Variants in CTNND1 observed in about 807,000 individuals in gnomAD.
The protein encoded by CTNND1 is catenin delta 1, also known as catenin delta-1.
A neutral mutation model predicts 112.1 loss-of-function variants in CTNND1; 16 were observed. The observed-to-expected ratio is 0.14, with a 90% CI of 0.10 to 0.22. The LOEUF (loss-of-function observed/expected upper bound fraction) is 0.22. Among genes scored for constraint, CTNND1 ranks in the 10% least tolerant of loss-of-function variants. The probability of loss-of-function intolerance (pLI) is 1.00; values close to 1 mark genes in which losing one functional copy is unlikely to be tolerated. For missense variants in CTNND1, 1,008 were observed against 1,257.0 expected, an observed-to-expected ratio of 0.80 and a Z score of 3.00; for synonymous variants, 420 against 446.5, an observed-to-expected ratio of 0.94 and a Z score of 0.75.
At chr11:57,780,071 T>TTTTTTTTTTG (rs58673483) in intron 1 of CTNND1, among the ~76,000 whole-genome samples, 1 of 129,196 alleles carries the variant, frequency 7.7e-6, no homozygotes, top group Non-Finnish European at 1.6e-5. Context: ...TTTTTTTTTT[T>TTTTTTTTTTG]GAGACAGGGT....
intron 1 of CTNND1, among the ~76,000 whole-genome samples, chr11:57,785,619 G>C (rs1193360283): frequency 6.6e-6 from 1 of 151,844 alleles, no homozygotes; most frequent in Middle Eastern, 3.2e-3. Flanking sequence ...GCATGATCTC[G>C]GCTCACTGCA....
chr11:57,795,842 G>C, intron 5 of CTNND1, 113 bp downstream of exon 5: 1 of 1,133,376 alleles, frequency 8.8e-7, no homozygotes, highest in Non-Finnish European at 1.2e-6. Context: ...TTATTGATCT[G>C]ATTGCATGAA....
At chr11:57,777,012 T>C (rs17455626) in intron 1 of CTNND1, among the ~76,000 whole-genome samples, 51,245 of 152,056 alleles carry the variant, frequency 0.34, 9,523 homozygotes, top group Middle Eastern at 0.43. Flanking sequence ...TGGTCTGGGC[T>C]ATGCATAAGG....
chr11:57,796,406 A>G, intron 5 of CTNND1, 51 bp from the exon 6 acceptor site: 1 of 1,475,254 alleles, frequency 6.8e-7, no homozygotes, highest in Non-Finnish European at 9.1e-7. Context: ...AAAAGAATTT[A>G]ATTGCTCACT....
intron 6 of CTNND1, among the ~76,000 whole-genome samples, chr11:57,797,842 C>CAAAAAA (rs771815069): frequency 1.2e-4 from 8 of 68,908 alleles, no homozygotes; most frequent in Admixed American, 1.9e-4. Flanking sequence ...AACTCCACCT[C>CAAAAAA]AAAAAAAAAA....
chr11:57,781,830 T>A (rs914784615), intron 1 of CTNND1, among the ~76,000 whole-genome samples: 4 of 152,186 alleles, frequency 2.6e-5, no homozygotes, highest in Non-Finnish European at 4.4e-5. Flanking sequence ...GCAGGTTTTT[T>A]TCTTTCTGTA....
At chr11:57,798,344 CAAAA>C (rs71061542) in intron 6 of CTNND1, among the ~76,000 whole-genome samples, 4 of 105,752 alleles carry the variant, frequency 3.8e-5, no homozygotes, top group Admixed American at 9.8e-5. Flanking sequence ...GAGACTGTCT[CAAAA>C]AAAAAAAAAA....
intron 8 of CTNND1, chr11:57,804,057 C>A (rs935855917): frequency 3.2e-6 from 1 of 315,074 alleles, no homozygotes; most frequent in African/African-American, 2.2e-5. Flanking sequence ...TGTTCATCTA[C>A]TTTGGTAAGC....
chr11:57,813,550 T>G (rs1480256237), intron 17 of CTNND1, among the ~76,000 whole-genome samples: 1 of 152,174 alleles, frequency 6.6e-6, no homozygotes, highest in African/African-American at 2.4e-5. Flanking sequence ...CTAAACAGAA[T>G]ATGAAGTGAT....
intron 8 of CTNND1, 73 bp from the exon 9 acceptor site, chr11:57,804,590 T>A (rs1160701568): frequency 1.9e-6 from 2 of 1,077,658 alleles, no homozygotes; most frequent in Non-Finnish European, 2.8e-6. Flanking sequence ...TCAGGAATCT[T>A]GTAGGTGTTG....
chr11:57,816,123 CG>C, intron 20 of CTNND1, 122 bp downstream of exon 20: 2 of 1,135,622 alleles, frequency 1.8e-6, no homozygotes, highest in Non-Finnish European at 2.6e-6. Flanking sequence ...ACATGGGGCT[CG>C]AGGGGTTCTG....
At chr11:57,810,248 CT>C (rs748446411) in intron 16 of CTNND1, 25 bp downstream of exon 16, 5 of 1,529,576 alleles carry the variant, frequency 3.3e-6, no homozygotes, top group Non-Finnish European at 4.4e-6. Flanking sequence ...GAGACCAAGA[CT>C]TTTACTTTTT....
intron 7 of CTNND1, among the ~76,000 whole-genome samples, chr11:57,803,291 TG>T (rs1221241183): frequency 7.2e-5 from 11 of 152,290 alleles, no homozygotes; most frequent in African/African-American, 2.4e-4. Context: ...GTATTTTTAG[TG>T]TTAGCCAGGA....
chr11:57,806,138 C>T, intron 10 of CTNND1, 103 bp downstream of exon 10: 1 of 1,406,638 alleles, frequency 7.1e-7, no homozygotes, highest in Non-Finnish European at 9.5e-7. Context: ...TGGGAGTCTG[C>T]CTGGTTATGG....
At position 57,806,031 on chromosome 11, in the gene CTNND1, C is replaced by T; in HGVS notation, c.1872C>T (p.Gly624=). Residue 624 remains glycine (G), a synonymous_variant, in exon 10 of 21, where the codon GGC becomes GGT. Transcript: ENST00000399050. ...CCAGTTGCTTTGGGGCCAAGAAGGG[C>T]AAAGGTGAGTCTTGGTTCCTGTTTC... ...HAASCFGAKK[G]KDEWFSRGKK... is the part of the protein sequence containing the mutation. 2 of 1,609,832 alleles carry T rather than the reference C, an allele frequency of 1.2e-6. No homozygotes were observed. The highest frequency in any genetic ancestry group is 1.7e-5 in the Admixed American group (1 of 59,288).
At chr11:57,785,059 AC>A (rs1023321751) in intron 1 of CTNND1, among the ~76,000 whole-genome samples, 2 of 151,912 alleles carry the variant, frequency 1.3e-5, no homozygotes, top group African/African-American at 4.8e-5. Flanking sequence ...CAAGACTTGG[AC>A]CCCCAGTCTT....
At position 57,819,494 on chromosome 11, in the gene CTNND1, T is replaced by G. The variant is rs549509025; in HGVS notation, c.*3186T>G. 6.6e-6 allele frequency: 1 copy of G among 152,358 alleles called. No homozygotes were observed. The highest frequency in any genetic ancestry group is 2.1e-4 in the South Asian group (1 of 4,826). 9.4% of individuals were successfully genotyped at this position (152,358 alleles called of 1,614,324 possible). ...AAACCCTACTCTTCTCTCTTCCTTC[T>G]GGATTGGTCCATTTGTTTATCTCAT... On this transcript the variant is annotated 3_prime_UTR_variant, in exon 21 of 21. Transcript: ENST00000399050.
intron 20 of CTNND1, 137 bp from the exon 21 acceptor site, chr11:57,816,160 G>C (rs564199925): frequency 8.1e-7 from 1 of 1,228,514 alleles, no homozygotes; most frequent in Admixed American, 1.9e-5. Context: ...CCTCTTACGA[G>C]TCTGGGACAT....
chr11:57,770,614 C>T (rs1411296768), intron 1 of CTNND1, among the ~76,000 whole-genome samples: 5 of 151,694 alleles, frequency 3.3e-5, no homozygotes, highest in Non-Finnish European at 7.4e-5. Flanking sequence ...AATCGCGCCA[C>T]TGCACTCTAG....
Sources: allele counts gnomAD v4.1 joint callset (sites outside exome capture counted in the v4.1 genomes callset), GRCh38; gene constraint gnomAD v4.1.1; transcripts MANE v1.5; gene names NCBI Gene and HGNC (gene_info 2026-07-23, HGNC 2026-07-21).